PTPRD: variants seen among roughly 807,000 people sequenced by gnomAD.
The protein encoded by PTPRD is protein tyrosine phosphatase receptor type D.
In PTPRD, 34 loss-of-function variants were observed where a neutral mutation model predicts 214.5. The observed-to-expected ratio is 0.16, with a 90% CI of 0.12 to 0.21. The LOEUF is 0.21. PTPRD is among the 10% of genes least tolerant of loss of function. PTPRD has a pLI of 1.00. For synonymous variants in PTPRD, 1,128 were observed against 845.7 expected (o/e 1.33, Z -5.79); for missense variants, 2,545 against 2,398.7 (o/e 1.06, Z -1.27).
In PTPRD at chr9:9,024,195, T is replaced by C. The variant is rs556287954; in HGVS notation, c.-142-5460A>G. Among the ~76,000 whole-genome samples the C allele has an allele frequency of 1.6e-3, 242 of 151,976 alleles. 2 individuals carry two copies. The highest frequency in any genetic ancestry group is 5.5e-3 in the African/African-American group (230 of 41,530). ...ATTAATAGTGCTATGTTCTCTTTTT[T>C]ACTTACTCTTCCATGAGTATTTTTA... On this transcript the variant is annotated intron_variant, in intron 10 of 45. Transcript: ENST00000381196.
At chr9:8,353,145 G>A (rs972547038) in intron 39 of PTPRD, among the ~76,000 whole-genome samples, 2 of 152,076 alleles carry the variant, frequency 1.3e-5, no homozygotes, top group Non-Finnish European at 2.9e-5. Context: ...GGCTATTATC[G>A]TTATTTAAAT....
intron 2 of PTPRD, among the ~76,000 whole-genome samples, chr9:10,575,287 A>G (rs1808155106): frequency 6.6e-6 from 1 of 152,088 alleles, no homozygotes; most frequent in African/African-American, 2.4e-5. Flanking sequence ...ATCTTGAAGA[A>G]TATGAAAGTT....
chr9:10,586,886 C>T (rs1555484), intron 2 of PTPRD, among the ~76,000 whole-genome samples: 147,329 of 151,916 alleles, frequency 0.97, 71,610 homozygotes, highest in East Asian at 1. Context: ...TTTTTAACCC[C>T]ACAAAGTATT....
chr9:9,970,225 C>T (rs1354798197), intron 4 of PTPRD, among the ~76,000 whole-genome samples: 2 of 151,746 alleles, frequency 1.3e-5, no homozygotes, highest in Admixed American at 6.6e-5. Context: ...CCGAGGTGGG[C>T]GGATCACGAG....
intron 3 of PTPRD, among the ~76,000 whole-genome samples, chr9:10,214,529 G>A (rs10958949): frequency 6.7e-6 from 1 of 150,288 alleles, no homozygotes; most frequent in Admixed American, 6.7e-5. Flanking sequence ...ACCTGCCTCA[G>A]CCTCCCAAAG....
At chr9:9,894,355 C>T (rs561637857) in intron 5 of PTPRD, among the ~76,000 whole-genome samples, 1 of 152,156 alleles carries the variant, frequency 6.6e-6, no homozygotes, top group East Asian at 1.9e-4. Context: ...TTAAAGGATC[C>T]TGAAGGCCCT....
At chr9:8,533,750 A>C (rs1384210252) in intron 14 of PTPRD, among the ~76,000 whole-genome samples, 4 of 151,998 alleles carry the variant, frequency 2.6e-5, no homozygotes, top group Non-Finnish European at 5.9e-5. Context: ...GCTATTTGTT[A>C]CTTTCTTCGT....
chr9:8,827,306 T>A (rs1331795065), intron 11 of PTPRD, among the ~76,000 whole-genome samples: 1 of 97,752 alleles, frequency 1.0e-5, no homozygotes, highest in Admixed American at 8.9e-5. Flanking sequence ...TATTTGTTAT[T>A]GAAAAAATTT....
In PTPRD at chr9:9,640,964, C is replaced by G. The variant is rs2095923194; in HGVS notation, c.-286-66183G>C. Among the ~76,000 whole-genome samples, 5 of 152,356 alleles carry G rather than the reference C, an allele frequency of 3.3e-5. No homozygotes were observed. The South Asian group carries it at 1.0e-3, about 32-fold the overall frequency. Reference sequence around the variant, plus strand: ...CGTAAGATCAAATCCAACTGGCTTACTGCCAAAATAGTTCTATGTGCCTAA... The same window carrying G: ...CGTAAGATCAAATCCAACTGGCTTAGTGCCAAAATAGTTCTATGTGCCTAA... On this transcript the variant is annotated intron_variant, in intron 7 of 45. Transcript: ENST00000381196.
At chr9:8,555,783 T>C (rs536572070) in intron 14 of PTPRD, among the ~76,000 whole-genome samples, 2 of 152,244 alleles carry the variant, frequency 1.3e-5, no homozygotes, top group South Asian at 2.1e-4. Context: ...AGTCTACACG[T>C]GTAGGGGAAG....
chr9:9,371,260 T>G (rs1285668222), intron 9 of PTPRD, among the ~76,000 whole-genome samples: 1 of 152,120 alleles, frequency 6.6e-6, no homozygotes, highest in African/African-American at 2.4e-5. Flanking sequence ...TTTTGGTTGG[T>G]AAGGTATTAA....
At chr9:9,545,396 T>C (rs2078550782) in intron 8 of PTPRD, among the ~76,000 whole-genome samples, 1 of 151,910 alleles carries the variant, frequency 6.6e-6, no homozygotes, top group Admixed American at 6.6e-5. Flanking sequence ...GTTTGAATCA[T>C]ACAATATGTA....
intron 2 of PTPRD, among the ~76,000 whole-genome samples, chr9:10,555,944 G>C (rs972815860): frequency 2.0e-5 from 3 of 152,092 alleles, no homozygotes; most frequent in Non-Finnish European, 4.4e-5. Context: ...AAAATACAGG[G>C]AAATGTATGC....
chr9:10,049,434 A>T (rs1294670979), intron 3 of PTPRD, among the ~76,000 whole-genome samples: 2 of 133,320 alleles, frequency 1.5e-5, no homozygotes, highest in Non-Finnish European at 3.1e-5. Context: ...AAAGAAAGAA[A>T]GAAAAGAAAA....
intron 11 of PTPRD, among the ~76,000 whole-genome samples, chr9:8,881,120 T>C (rs890305582): frequency 2.0e-5 from 3 of 152,268 alleles, no homozygotes; most frequent in South Asian, 2.1e-4. Flanking sequence ...ATTTCTTCTG[T>C]CATTTATACA....
At chr9:8,449,138 G>A (rs1263548680) in intron 34 of PTPRD, among the ~76,000 whole-genome samples, 2 of 152,116 alleles carry the variant, frequency 1.3e-5, no homozygotes, top group East Asian at 1.9e-4. Flanking sequence ...TAAGAAACAA[G>A]TATATTTTTT....
intron 3 of PTPRD, among the ~76,000 whole-genome samples, chr9:10,300,822 G>A (rs1421808210): frequency 6.6e-6 from 1 of 152,128 alleles, no homozygotes; most frequent in South Asian, 2.1e-4. Context: ...GGGGGAAGGG[G>A]CGGCTGTGGG....
intron 8 of PTPRD, among the ~76,000 whole-genome samples, chr9:9,565,247 A>G (rs910804668): frequency 9.2e-5 from 14 of 151,928 alleles, no homozygotes; most frequent in African/African-American, 3.4e-4. Context: ...TAAGCTCACT[A>G]AACTCTTGCT....
chr9:8,609,338 TGG>T, intron 14 of PTPRD, among the ~76,000 whole-genome samples: 3 of 152,282 alleles, frequency 2.0e-5, no homozygotes, highest in East Asian at 3.9e-4. Flanking sequence ...AGGAAGGATA[TGG>T]GATGTGAAGT....
Sources: gnomAD v4.1 joint callset for allele counts (sites outside exome capture counted in the v4.1 genomes callset) on GRCh38, gnomAD v4.1.1 for gene constraint, MANE v1.5 for transcripts, NCBI Gene and HGNC (gene_info 2026-07-23, HGNC 2026-07-21) for gene names.